Variants in SCHIP1 observed in about 807,000 individuals in gnomAD.
SCHIP1 encodes the protein schwannomin interacting protein 1.
In SCHIP1, 8 loss-of-function variants were observed where a neutral mutation model predicts 29.7. That is an observed-to-expected ratio of 0.27 (90% CI 0.16 to 0.49). SCHIP1 has a LOEUF of 0.49. SCHIP1 is among the 20% of genes least tolerant of loss of function. The pLI, the probability that SCHIP1 is intolerant of heterozygous loss-of-function variation, is 0.99. For synonymous variants in SCHIP1, 76 were observed against 94.9 expected (o/e 0.80, Z 1.16); for missense variants, 193 against 294.6 (o/e 0.66, Z 2.52).
the SCHIP1 span, among the ~76,000 whole-genome samples, chr3:159,815,915 C>A: frequency 1.3e-5 from 2 of 149,548 alleles, no homozygotes; most frequent in African/African-American, 5.0e-5. Context: ...TCAACCTCAA[C>A]ATAGTCTCTC....
chr3:159,643,406 C>A, the SCHIP1 span, among the ~76,000 whole-genome samples: 1 of 152,016 alleles, frequency 6.6e-6, no homozygotes, highest in Non-Finnish European at 1.5e-5. Context: ...TAGCCAAGCC[C>A]ATGAGAGACA....
chr3:159,610,383 G>A, the SCHIP1 span, among the ~76,000 whole-genome samples: 19 of 152,296 alleles, frequency 1.2e-4, no homozygotes, highest in South Asian at 1.9e-3. Context: ...GCATGAATCC[G>A]AGATTTTGTG....
the SCHIP1 span, among the ~76,000 whole-genome samples, chr3:159,729,042 G>A: frequency 6.6e-6 from 1 of 152,062 alleles, no homozygotes; most frequent in South Asian, 2.1e-4. Context: ...CAGCTACTTG[G>A]GAGGCTGAGG....
At chr3:159,888,876 C>G (rs138619287) in exon 5 of SCHIP1, 238 of 1,613,896 alleles carry the variant, frequency 1.5e-4, no homozygotes, top group Non-Finnish European at 2.0e-4. Context: ...TAAAACCCAC[C>G]GACCTGAGAG....
At chr3:159,322,541 A>T in the SCHIP1 span, among the ~76,000 whole-genome samples, 1 of 152,170 alleles carries the variant, frequency 6.6e-6, no homozygotes, top group Non-Finnish European at 1.5e-5. Context: ...CAGGGGGCGC[A>T]ACTGAGTCTA....
chr3:159,575,647 C>T, the SCHIP1 span, among the ~76,000 whole-genome samples: 1 of 152,078 alleles, frequency 6.6e-6, no homozygotes, highest in Non-Finnish European at 1.5e-5. Context: ...GTTTCTCAGA[C>T]TGATCTGAAA....
At chr3:159,625,866 C>T in the SCHIP1 span, among the ~76,000 whole-genome samples, 1 of 152,044 alleles carries the variant, frequency 6.6e-6, no homozygotes, top group Non-Finnish European at 1.5e-5. Context: ...CGTAGATCAA[C>T]TGTGCTTCTC....
At chr3:159,295,941 G>C in the SCHIP1 span, among the ~76,000 whole-genome samples, 539 of 152,264 alleles carry the variant, frequency 3.5e-3, 2 homozygotes, top group African/African-American at 0.01. Context: ...GGAAAATGAA[G>C]TAAAATGAAG....
At chr3:159,873,105 A>G (rs752428918) in intron 2 of SCHIP1, among the ~76,000 whole-genome samples, 14 of 152,352 alleles carry the variant, frequency 9.2e-5, no homozygotes, top group Admixed American at 2.0e-4. Flanking sequence ...AACGTGAAAT[A>G]GATTTTAAGT....
the SCHIP1 span, among the ~76,000 whole-genome samples, chr3:159,555,046 T>A: frequency 6.6e-6 from 1 of 152,192 alleles, no homozygotes; most frequent in African/African-American, 2.4e-5. Context: ...ATATTAATTT[T>A]TTAAAAATTG....
the SCHIP1 span, chr3:159,764,057 G>A: frequency 9.2e-5 from 16 of 174,766 alleles, no homozygotes; most frequent in East Asian, 1.1e-3. The surrounding 1 kb of genome is among the most constrained non-coding windows in gnomAD (Gnocchi z 6.1). Context: ...CCGCCCCCAG[G>A]GAATTATAAT....
the SCHIP1 span, among the ~76,000 whole-genome samples, chr3:159,572,181 T>C: frequency 6.6e-6 from 1 of 152,200 alleles, no homozygotes; most frequent in African/African-American, 2.4e-5. Flanking sequence ...TGAATGTGTT[T>C]GCTCTTCTCT....
the SCHIP1 span, among the ~76,000 whole-genome samples, chr3:159,405,356 T>C: frequency 6.6e-6 from 1 of 152,128 alleles, no homozygotes; most frequent in Non-Finnish European, 1.5e-5. Flanking sequence ...AGACAAAGAA[T>C]TCAAAATAGT....
chr3:159,812,622 T>C, the SCHIP1 span, among the ~76,000 whole-genome samples: 3 of 152,236 alleles, frequency 2.0e-5, no homozygotes, highest in East Asian at 1.9e-4. Flanking sequence ...ATAATCAGTA[T>C]TGTTAATTGA....
chr3:159,394,089 G>A, the SCHIP1 span, among the ~76,000 whole-genome samples: 57 of 151,358 alleles, frequency 3.8e-4, no homozygotes, highest in Admixed American at 9.2e-4. Flanking sequence ...GTGAATGGGA[G>A]TTCACTCATG....
At chr3:159,681,291 A>G in the SCHIP1 span, among the ~76,000 whole-genome samples, 197 of 142,894 alleles carry the variant, frequency 1.4e-3, 1 homozygote, top group East Asian at 5.3e-3. Context: ...AGAAATGGGG[A>G]AAAAAAAAAA....
chr3:159,350,938 A>C, the SCHIP1 span, among the ~76,000 whole-genome samples: 2 of 152,148 alleles, frequency 1.3e-5, no homozygotes, highest in Non-Finnish European at 2.9e-5. Context: ...TTTAAAAAAA[A>C]CCAAAATCTG....
At chr3:159,738,660 T>TC in the SCHIP1 span, among the ~76,000 whole-genome samples, 1 of 152,160 alleles carries the variant, frequency 6.6e-6, no homozygotes, top group Non-Finnish European at 1.5e-5. Flanking sequence ...GCAATGGGGG[T>TC]ATAACAACAA....
At chr3:159,888,122 GTTGA>G in intron 4 of SCHIP1, 1 of 619,854 alleles carries the variant, frequency 1.6e-6, no homozygotes, top group Admixed American at 3.1e-5. Context: ...AAAGTTTGCT[GTTGA>G]TTGATGTCTA....
Sources: gnomAD v4.1 joint callset for allele counts (sites outside exome capture counted in the v4.1 genomes callset) on GRCh38, gnomAD v4.1.1 for gene constraint, Gnocchi (gnomAD v3.1) non-coding constraint, MANE v1.5 for transcripts, NCBI Gene and HGNC (gene_info 2026-07-23, HGNC 2026-07-21) for gene names.